The following ZNF254 variants were observed in gnomAD, a reference collection of about 807,000 sequenced individuals.
ZNF254 encodes the protein zinc finger protein 254.
In ZNF254, 10 loss-of-function variants were observed where a neutral mutation model predicts 12.4. The ratio of observed to expected loss-of-function variants is 0.80; its 90% CI spans 0.50 to 1.36. The LOEUF is 1.36. ZNF254 is among the 40% of genes most tolerant of loss of function. The pLI, the probability that ZNF254 is intolerant of heterozygous loss-of-function variation, is 0.00. For synonymous variants in ZNF254, 305 were observed against 253.4 expected, an observed-to-expected ratio of 1.20 and a Z score of -1.93; for missense variants, 996 against 763.9, an observed-to-expected ratio of 1.30 and a Z score of -3.58.
chr19:24,116,047 G>T (rs949775975), intron 3 of ZNF254, among the ~76,000 whole-genome samples: 2 of 152,184 alleles, frequency 1.3e-5, no homozygotes, highest in Non-Finnish European at 2.9e-5. Flanking sequence ...GGCTTGTAGA[G>T]TTTCTGCCGA....
intron 1 of ZNF254, among the ~76,000 whole-genome samples, chr19:24,088,428 A>C (rs1423988128): frequency 1.3e-5 from 2 of 151,938 alleles, no homozygotes; most frequent in Admixed American, 6.6e-5. Context: ...CACACTCCAC[A>C]GGGGACTGCT....
intron 2 of ZNF254, chr19:24,066,662 A>G (rs1055126016): frequency 2.0e-5 from 3 of 151,868 alleles, no homozygotes; most frequent in African/African-American, 7.3e-5. Context: ...CCTGGTCAAC[A>G]TGGTGAAAAC....
chr19:24,055,189 C>T (rs796128193), intron 2 of ZNF254, among the ~76,000 whole-genome samples: 7 of 89,176 alleles, frequency 7.8e-5, no homozygotes, highest in Admixed American at 5.7e-4. Flanking sequence ...GGTGATAGTG[C>T]GAGACTCTGT....
rs901780107 is a variant in ZNF254, at chr19:24,128,787, G to A, written c.*807G>A. 1.3e-5 allele frequency: 2 copies of A among 151,992 alleles called. No homozygotes were observed. The highest frequency in any genetic ancestry group is 4.8e-5 in the African/African-American group (2 of 41,406). 9.4% of individuals were successfully genotyped at this position (151,992 alleles called of 1,614,324 possible). A position where few individuals can be genotyped will look rare whatever the true frequency, so the allele number is the denominator to read the frequency against. The stretch of plus-strand genomic sequence containing the variant: ...GCTTTAGACATTACACTAAATCAGA[G>A]TGCTGAGTATAGAAAATAATACAAA... On this transcript the variant is annotated 3_prime_UTR_variant, in exon 4 of 4. Coordinates refer to ENST00000357002, the MANE Select transcript of ZNF254 (RefSeq NM_203282.4).
chr19:24,075,564 A>G (rs1291610333), intron 2 of ZNF254, among the ~76,000 whole-genome samples: 1 of 152,184 alleles, frequency 6.6e-6, no homozygotes, highest in African/African-American at 2.4e-5. Flanking sequence ...CAGAGATCAC[A>G]TGCTTCAAAG....
Position 24,127,522 on chromosome 19 carries a change from C to G in ZNF254, c.1522C>G (p.His508Asp), listed in dbSNP as rs377656070. Reference protein sequence around the residue: ...SFSQSSTLTTHKIIHTGEKPY... With the variant: ...SFSQSSTLTTDKIIHTGEKPY... ...TAGCCAATCCTCAACCCTTACTACA[C>G]ATAAGATAATTCATACTGGAGAGAA... is the stretch of plus-strand genomic sequence containing the variant. The change falls in exon 4 of 4, where the codon CAT becomes GAT. Residue 508 changes from histidine to aspartate, a missense_variant. Coordinates refer to ENST00000357002, the MANE Select transcript of ZNF254 (RefSeq NM_203282.4). The G allele has an allele frequency of 2.8e-5, 45 of 1,613,400 alleles. No individual in the cohort carries two copies. In the African/African-American group the frequency reaches 5.6e-4, roughly 20 times the overall value.
At chr19:24,045,348 TC>T (rs1970337610) in intron 1 of ZNF254, among the ~76,000 whole-genome samples, 1 of 151,752 alleles carries the variant, frequency 6.6e-6, no homozygotes, top group Non-Finnish European at 1.5e-5. Flanking sequence ...TCAGCTAGGC[TC>T]CCCCCTCCCC....
In ZNF254 at chr19:24,127,996, C is replaced by A; in HGVS notation, c.*16C>A. ...ACAAGTATGAATAATGTGCCAAAGC[C>A]TAAGAAAACCCTCAATTCTTAATAG... On this transcript the variant is annotated 3_prime_UTR_variant, in exon 4 of 4. Transcript: ENST00000357002. 6.6e-7 allele frequency: 1 copy of A among 1,521,384 alleles called. No individual in the cohort carries two copies. Among genetic ancestry groups the A allele is most frequent in the South Asian group, 1.4e-5 (1 of 73,270 alleles). The allele number at this position is 1,521,384 out of a possible 1,614,324, so 94.2% of individuals were successfully genotyped here.
At chr19:24,120,924 A>T (rs970740924) in intron 3 of ZNF254, among the ~76,000 whole-genome samples, 8 of 151,816 alleles carry the variant, frequency 5.3e-5, no homozygotes, top group Non-Finnish European at 1.5e-5. Context: ...TTTTTTTTAT[A>T]TGCAAACTCT....
At position 24,063,398 on chromosome 19, in the gene ZNF254, T is replaced by C. The variant is rs73522484; in HGVS notation, c.-94+17119T>C. Reference sequence around the variant, plus strand: ...TATTCTGCTTTGATAAAGCGCACAGTGGTCATTGTGACATTGCTTGGTGTT... The same window carrying C: ...TATTCTGCTTTGATAAAGCGCACAGCGGTCATTGTGACATTGCTTGGTGTT... On this transcript the variant is annotated intron_variant, in intron 2 of 4. Coordinates refer to the ZNF254 transcript ENST00000613065. 5.5e-3 allele frequency among the ~76,000 whole-genome samples: 844 copies of C among 152,324 alleles called. 5 individuals carry two copies. Among genetic ancestry groups the C allele is most frequent in the African/African-American group, 0.02 (811 of 41,580 alleles).
chr19:24,053,191 G>C (rs140079840), intron 2 of ZNF254, among the ~76,000 whole-genome samples: 3 of 152,256 alleles, frequency 2.0e-5, no homozygotes, highest in African/African-American at 2.4e-5. Flanking sequence ...CCAAGATTCA[G>C]CACACCTGTG....
chr19:24,067,348 G>A lies in ZNF254; in HGVS notation c.-94+21069G>A, dbSNP rs189624396. ...GTGATTCTTCTGCTTGGTTCCTGCC[G>A]AAATGGTCATTGTGACATATCTATG... On this transcript the variant is annotated intron_variant, in intron 2 of 4. Coordinates refer to the ZNF254 transcript ENST00000613065. 1.1e-3 allele frequency among the ~76,000 whole-genome samples: 171 copies of A among 151,528 alleles called. 1 individual carries two copies. Among genetic ancestry groups the A allele is most frequent in the African/African-American group, 4.0e-3 (166 of 41,288 alleles).
At chr19:24,101,614 T>C (rs1446793667) in intron 1 of ZNF254, among the ~76,000 whole-genome samples, 1 of 152,200 alleles carries the variant, frequency 6.6e-6, no homozygotes, top group Non-Finnish European at 1.5e-5. Context: ...ATTCTTGCAC[T>C]TCTACATACC....
At chr19:24,122,006 A>G (rs139377730) in intron 3 of ZNF254, among the ~76,000 whole-genome samples, 98 of 152,206 alleles carry the variant, frequency 6.4e-4, no homozygotes, top group Non-Finnish European at 1.0e-4. Flanking sequence ...TGGGAGAAAC[A>G]CTTTTGGATT....
chr19:24,113,942 A>G (rs150903181), intron 3 of ZNF254, among the ~76,000 whole-genome samples: 2,163 of 152,278 alleles, frequency 0.014, 18 homozygotes, highest in Non-Finnish European at 0.018. Flanking sequence ...TTCGAAGAGA[A>G]TAAAATACCT....
intron 2 of ZNF254, among the ~76,000 whole-genome samples, chr19:24,077,806 G>T (rs1197286901): frequency 6.6e-6 from 1 of 152,160 alleles, no homozygotes; most frequent in East Asian, 1.9e-4. Context: ...GGAGGGCAGG[G>T]TGGGGAAAGG....
At chr19:24,051,030 C>T (rs1461585705) in intron 2 of ZNF254, among the ~76,000 whole-genome samples, 1 of 151,962 alleles carries the variant, frequency 6.6e-6, no homozygotes, top group African/African-American at 2.4e-5. Context: ...TATGCCAGGG[C>T]CCTGCCGACT....
chr19:24,098,116 A>G (rs1002198467), intron 1 of ZNF254, among the ~76,000 whole-genome samples: 3 of 152,202 alleles, frequency 2.0e-5, no homozygotes, highest in African/African-American at 7.2e-5. Context: ...TAAAAATTCC[A>G]CATACATTAT....
chr19:24,096,936 G>A (rs985038725), intron 1 of ZNF254, among the ~76,000 whole-genome samples: 3 of 152,264 alleles, frequency 2.0e-5, no homozygotes, highest in Admixed American at 6.5e-5. Context: ...AAGAGTTCAA[G>A]CACATGTGAT....
Sources: allele counts gnomAD v4.1 joint callset (sites outside exome capture counted in the v4.1 genomes callset), GRCh38; gene constraint gnomAD v4.1.1; transcripts MANE v1.5; gene names NCBI Gene and HGNC (gene_info 2026-07-23, HGNC 2026-07-21).